The following ARSD variants were observed in gnomAD, a reference collection of about 807,000 sequenced individuals.
ARSD encodes testis tissue sperm-binding protein Li 39a.
In ARSD, 21 loss-of-function variants were observed where a neutral mutation model predicts 32.6. That is an observed-to-expected ratio of 0.64 (90% CI 0.46 to 0.93). The LOEUF (loss-of-function observed/expected upper bound fraction) is 0.93. Among genes scored for constraint, ARSD ranks in the 40% least tolerant of loss-of-function variants. The pLI is 0.00. For missense variants in ARSD, 454 were observed against 520.9 expected, an observed-to-expected ratio of 0.87 and a Z score of 1.25; for synonymous variants, 224 against 237.4, an observed-to-expected ratio of 0.94 and a Z score of 0.52.
At chrX:2,928,927 C>T (rs1040350596) in intron 1 of ARSD, among the ~76,000 whole-genome samples, 1 of 112,287 alleles carries the variant, frequency 8.9e-6, no homozygotes, top group African/African-American at 3.2e-5. Flanking sequence ...AGCCTTCCTC[C>T]GCCCTCCCTT....
chrX:2,913,725 A>G (rs945283227), intron 6 of ARSD: 5 of 955,373 alleles, frequency 5.2e-6, no homozygotes, highest in Non-Finnish European at 6.7e-6. Context: ...TTGGCTGTGT[A>G]GAAGGTTGAC....
chrX:2,913,525 T>C (rs1351233046), intron 6 of ARSD: 1 of 976,997 alleles, frequency 1.0e-6, no homozygotes, highest in Non-Finnish European at 1.3e-6. Context: ...TCCCGCCCTA[T>C]CACTATGCTT....
intron 4 of ARSD, among the ~76,000 whole-genome samples, chrX:2,919,641 C>A (rs979088058): frequency 6.3e-5 from 7 of 111,485 alleles, no homozygotes; most frequent in African/African-American, 2.3e-4. Flanking sequence ...GCTGACTGTG[C>A]CTAAACTATA....
chrX:2,915,760 T>C, intron 5 of ARSD, 68 bp from the exon 6 acceptor site: 1 of 1,058,927 alleles, frequency 9.4e-7, no homozygotes, highest in Non-Finnish European at 1.3e-6. Flanking sequence ...CCTGCACCCA[T>C]ACGTTCACTC....
intron 3 of ARSD, 25 bp downstream of exon 3, chrX:2,921,878 T>C: frequency 8.3e-7 from 1 of 1,202,033 alleles, no homozygotes; most frequent in African/African-American, 1.7e-5. Flanking sequence ...TGTACCCATT[T>C]CTCCATCATC....
At chrX:2,924,666 T>A (rs1454729376) in intron 2 of ARSD, among the ~76,000 whole-genome samples, 2 of 112,570 alleles carry the variant, frequency 1.8e-5, no homozygotes, top group Non-Finnish European at 3.8e-5. Context: ...AACCTGTGTG[T>A]GAGACCTTGC....
At position 2,913,427 on chromosome X, in the gene ARSD, A is replaced by G. The variant is rs529465595; in HGVS notation, c.1000+2129T>C. The stretch of plus-strand genomic sequence containing the variant: ...GGCATGAACCAGTCTCTCAGGTTAA[A>G]TTTTAGGGTGCCCTGGCAAAGGAGG... On this transcript the variant is annotated intron_variant, in intron 6 of 9. Transcript: ENST00000381154. 4.6e-4 allele frequency: 310 copies of G among 668,133 alleles called. 2 individuals carry two copies. In the South Asian group the frequency reaches 6.1e-3, roughly 13 times the overall value. 55.1% of individuals were successfully genotyped at this position (668,133 alleles called of 1,213,427 possible).
intron 6 of ARSD, among the ~76,000 whole-genome samples, chrX:2,915,163 C>CT (rs1178703247): frequency 1.0e-4 from 11 of 109,618 alleles, no homozygotes; most frequent in Non-Finnish European, 1.1e-4. Context: ...TATTCTTTTT[C>CT]TTTTTTTTTG....
chrX:2,907,888 T>C (rs1463830829), intron 9 of ARSD: 4 of 927,047 alleles, frequency 4.3e-6, no homozygotes, highest in Non-Finnish European at 5.3e-6. Flanking sequence ...TGCAGAGCGC[T>C]CACTGTGGCT....
rs2088951649 is a variant in ARSD at position 2,915,707 on chromosome X, C to G, written c.864-15G>C. 8.3e-7 allele frequency: 1 copy of G among 1,205,376 alleles called. No individual in the cohort carries two copies. Among genetic ancestry groups the G allele is most frequent in the Non-Finnish European group, 1.1e-6 (1 of 891,311 alleles). Reference sequence around the variant, plus strand: ...CATGCTTGTGTCTGAAAGAAGAAAACTTCCTTGAGAATACACAGAATATAC... The same window carrying G: ...CATGCTTGTGTCTGAAAGAAGAAAAGTTCCTTGAGAATACACAGAATATAC... On this transcript the variant is annotated splice_polypyrimidine_tract_variant and intron_variant, in intron 5 of 9. Coordinates refer to ENST00000381154, the MANE Select transcript of ARSD (RefSeq NM_001669.4).
intron 5 of ARSD, among the ~76,000 whole-genome samples, chrX:2,917,028 T>A (rs1266461364): frequency 3.0e-5 from 3 of 99,117 alleles, no homozygotes; most frequent in Non-Finnish European, 6.0e-5. Flanking sequence ...AGCCCAGGAA[T>A]TCAAGACCAG....
chrX:2,909,948 C>T lies in ARSD; in HGVS notation c.1167G>A (p.Gly389=), dbSNP rs1250266024. 1 of 1,208,455 alleles carries T rather than the reference C, an allele frequency of 8.3e-7. No homozygotes were observed. The highest frequency in any genetic ancestry group is 1.1e-6 in the Non-Finnish European group (1 of 894,949). Residue 389 remains glycine, a synonymous_variant, in exon 8 of 10, where the codon GGG becomes GGA. Coordinates refer to ENST00000381154, the MANE Select transcript of ARSD (RefSeq NM_001669.4). ...GGKGMGGWEG[G]IRVPGIFHWP... is the part of the protein sequence containing the mutation. ...AGTGGAAGATCCCGGGCACGCGGATCCCACCTTCCCATCCTCCCATGCCCT... is the reference window on the plus strand; with the variant it reads ...AGTGGAAGATCCCGGGCACGCGGATTCCACCTTCCCATCCTCCCATGCCCT...
Position 2,909,926 on chromosome X carries a change from G to T in ARSD, c.1189C>A (p.His397Asn). 1 of 1,210,845 alleles carries T rather than the reference G, an allele frequency of 8.3e-7. No homozygotes were observed. Among genetic ancestry groups the T allele is most frequent in the Middle Eastern group, 2.3e-4 (1 of 4,352 alleles). Reference protein sequence around the residue: ...EGGIRVPGIFHWPGVLPAGRV... With the variant: ...EGGIRVPGIFNWPGVLPAGRV... ...CCGGCCGGGAGCACCCCCGGCCAGTGGAAGATCCCGGGCACGCGGATCCCA... is the reference window on the plus strand; with the variant it reads ...CCGGCCGGGAGCACCCCCGGCCAGTTGAAGATCCCGGGCACGCGGATCCCA... The change falls in exon 8 of 10, where the codon CAC becomes AAC. Residue 397 changes from histidine to asparagine, a missense_variant. By Grantham distance (68) the His-to-Asn change is moderately conservative. Around this residue, in one of 3 missense-constraint regions of ARSD, gnomAD observed 179 missense variants for 198.5 expected, o/e 0.90. Coordinates refer to ENST00000381154, the MANE Select transcript of ARSD (RefSeq NM_001669.4).
At chrX:2,929,059 C>T (rs1382150912) in intron 1 of ARSD, among the ~76,000 whole-genome samples, 173 bp downstream of exon 1, 12 of 112,422 alleles carry the variant, frequency 1.1e-4, no homozygotes, top group Non-Finnish European at 1.9e-4. Context: ...GCGTCTTTCC[C>T]GGGCACAGAA....
At chrX:2,927,231 C>G (rs1377890633) in intron 1 of ARSD, among the ~76,000 whole-genome samples, 2 of 73,443 alleles carry the variant, frequency 2.7e-5, no homozygotes, top group African/African-American at 1.5e-4. Context: ...AAGGAAAATC[C>G]TAACTTTCCT....
At position 2,911,697 on chromosome X, in the gene ARSD, C is replaced by A. The variant is rs748602546; in HGVS notation, c.1001-904G>T. On this transcript the variant is annotated intron_variant, in intron 6 of 9. Coordinates refer to ENST00000381154, the MANE Select transcript of ARSD (RefSeq NM_001669.4). ...AAAAAAAAAAAAAAGAAAAAAAAAA[C>A]CAAAAGAAACAAAAAACAAAAACAA... 4.4e-3 allele frequency among the ~76,000 whole-genome samples: 458 copies of A among 103,574 alleles called. 4 individuals carry two copies. The highest frequency in any genetic ancestry group is 0.015 in the African/African-American group (436 of 28,151). The allele number at this position is 103,574 out of a possible 115,157, so 89.9% of individuals were successfully genotyped here.
intron 2 of ARSD, 83 bp from the exon 3 acceptor site, chrX:2,922,107 A>G: frequency 9.2e-7 from 1 of 1,082,989 alleles, no homozygotes; most frequent in Non-Finnish European, 1.2e-6. Flanking sequence ...AGGCACAGGA[A>G]TAGCTGCAAG....
At chrX:2,909,733 T>C in intron 8 of ARSD, 84 bp downstream of exon 8, 1 of 934,100 alleles carries the variant, frequency 1.1e-6, no homozygotes, top group African/African-American at 2.2e-5. Flanking sequence ...TACCACCTGT[T>C]CCCCAAAATC....
intron 1 of ARSD, among the ~76,000 whole-genome samples, chrX:2,928,662 G>A (rs1423677179): frequency 3.5e-5 from 3 of 85,433 alleles, no homozygotes; most frequent in Admixed American, 1.2e-4. Context: ...CGTGCTGGAA[G>A]GCATCGAGCT....
Sources: allele counts gnomAD v4.1 joint callset (sites outside exome capture counted in the v4.1 genomes callset), GRCh38; gene constraint gnomAD v4.1.1; regional missense constraint gnomAD v4.1.1; transcripts MANE v1.5; gene names NCBI Gene and HGNC (gene_info 2026-07-23, HGNC 2026-07-21).